PTPRM: variants seen among roughly 807,000 people sequenced by gnomAD.
PTPRM encodes the protein protein tyrosine phosphatase receptor type M.
A neutral mutation model predicts 186.7 loss-of-function variants in PTPRM; 47 were observed. The observed-to-expected ratio is 0.25, with a 90% CI of 0.20 to 0.32. The LOEUF (loss-of-function observed/expected upper bound fraction) is 0.32. Among genes scored for constraint, PTPRM ranks in the 10% least tolerant of loss-of-function variants. PTPRM has a pLI of 1.00. For missense variants in PTPRM, 1,494 were observed against 1,865.0 expected, an observed-to-expected ratio of 0.80 and a Z score of 3.66; for synonymous variants, 668 against 674.9, an observed-to-expected ratio of 0.99 and a Z score of 0.16.
intron 7 of PTPRM, among the ~76,000 whole-genome samples, chr18:8,067,472 G>A (rs1267391705): frequency 6.6e-6 from 1 of 152,148 alleles, no homozygotes; most frequent in African/African-American, 2.4e-5. Flanking sequence ...TGCCACTCAC[G>A]ATTTCTTGGA....
At chr18:8,187,988 T>G (rs1601098609) in intron 14 of PTPRM, among the ~76,000 whole-genome samples, 1 of 152,350 alleles carries the variant, frequency 6.6e-6, no homozygotes, top group African/African-American at 2.4e-5. Context: ...CCAGTCATTC[T>G]TAAAAGCATA....
intron 2 of PTPRM, among the ~76,000 whole-genome samples, chr18:7,845,361 G>C (rs2046540440): frequency 6.6e-6 from 1 of 152,184 alleles, no homozygotes; most frequent in Non-Finnish European, 1.5e-5. Flanking sequence ...ATGAAAACCT[G>C]ACAAATGTCC....
At chr18:7,724,584 C>T (rs1338840198) in intron 1 of PTPRM, among the ~76,000 whole-genome samples, 1 of 152,134 alleles carries the variant, frequency 6.6e-6, no homozygotes, top group African/African-American at 2.4e-5. Context: ...AAGATTTTTT[C>T]AGAATCTAGC....
intron 1 of PTPRM, among the ~76,000 whole-genome samples, chr18:7,680,883 C>T (rs2039465368): frequency 6.6e-6 from 1 of 152,074 alleles, no homozygotes; most frequent in African/African-American, 2.4e-5. Context: ...CTTGTTCATG[C>T]CTGTCTTAGC....
chr18:7,772,261 TTTC>T (rs985915512), intron 1 of PTPRM, among the ~76,000 whole-genome samples: 2 of 151,352 alleles, frequency 1.3e-5, no homozygotes, highest in African/African-American at 2.4e-5. Context: ...TTTCTTTTCT[TTTC>T]TTTTCTTTTC....
At chr18:8,380,869 C>T (rs1598517702) in intron 29 of PTPRM, among the ~76,000 whole-genome samples, 2 of 152,180 alleles carry the variant, frequency 1.3e-5, no homozygotes, top group African/African-American at 4.8e-5. Context: ...TGCTTCCTGG[C>T]ACAGCTCACC....
At chr18:8,096,673 A>T (rs1422055244) in intron 11 of PTPRM, among the ~76,000 whole-genome samples, 5 of 152,188 alleles carry the variant, frequency 3.3e-5, no homozygotes, top group African/African-American at 1.2e-4. Flanking sequence ...CTGCTCTGCC[A>T]TTTGCTCTCG....
intron 9 of PTPRM, among the ~76,000 whole-genome samples, chr18:8,083,974 A>T (rs2090293103): frequency 1.3e-5 from 2 of 152,168 alleles, no homozygotes; most frequent in South Asian, 4.1e-4. Context: ...GTATGCATTT[A>T]TGTTTCATTA....
chr18:7,672,368 G>T (rs955002181), intron 1 of PTPRM, among the ~76,000 whole-genome samples: 3 of 151,932 alleles, frequency 2.0e-5, no homozygotes, highest in African/African-American at 7.3e-5. Context: ...TTTACTAAAA[G>T]AAAAATATTT....
At chr18:8,273,793 G>A (rs1017653060) in intron 19 of PTPRM, among the ~76,000 whole-genome samples, 4 of 152,216 alleles carry the variant, frequency 2.6e-5, no homozygotes, top group Non-Finnish European at 5.9e-5. Context: ...AGTCTGATGA[G>A]CAGAAAGGAG....
chr18:7,664,668 G>GC, intron 1 of PTPRM, among the ~76,000 whole-genome samples: 1 of 152,278 alleles, frequency 6.6e-6, no homozygotes, highest in East Asian at 1.9e-4. Flanking sequence ...GGAGATCCAG[G>GC]CAGAGCTGCA....
chr18:8,184,014 G>C (rs953944260), intron 14 of PTPRM, among the ~76,000 whole-genome samples: 2 of 152,164 alleles, frequency 1.3e-5, no homozygotes, highest in Admixed American at 1.3e-4. Context: ...CAAGATACTG[G>C]AATGACCAGG....
At chr18:7,947,279 C>G (rs934167462) in intron 5 of PTPRM, among the ~76,000 whole-genome samples, 1 of 152,134 alleles carries the variant, frequency 6.6e-6, no homozygotes, top group Non-Finnish European at 1.5e-5. Flanking sequence ...GCAGCCCTGA[C>G]AGTGGGTGGT....
chr18:8,030,230 C>G (rs1807672988), intron 7 of PTPRM, among the ~76,000 whole-genome samples: 1 of 152,206 alleles, frequency 6.6e-6, no homozygotes, highest in East Asian at 1.9e-4. Context: ...AAAGAAGACA[C>G]TTTTTGAGCA....
intron 14 of PTPRM, among the ~76,000 whole-genome samples, chr18:8,181,926 TG>T (rs2093581135): frequency 6.6e-6 from 1 of 152,206 alleles, no homozygotes; most frequent in Admixed American, 6.5e-5. Context: ...TTAAATATAA[TG>T]GTTCAATTTT....
chr18:7,657,694 A>G (rs2038883916), intron 1 of PTPRM, among the ~76,000 whole-genome samples: 1 of 152,234 alleles, frequency 6.6e-6, no homozygotes, highest in African/African-American at 2.4e-5. Flanking sequence ...GCATCATTCA[A>G]GATGGACCGA....
intron 2 of PTPRM, among the ~76,000 whole-genome samples, chr18:7,778,273 G>A (rs866183580): frequency 6.6e-5 from 10 of 152,066 alleles, no homozygotes; most frequent in East Asian, 1.9e-4. Flanking sequence ...ACTAAATGCC[G>A]TTTAAATTTT....
chr18:8,230,220 G>T (rs1482766583), intron 14 of PTPRM, among the ~76,000 whole-genome samples: 1 of 152,106 alleles, frequency 6.6e-6, no homozygotes, highest in African/African-American at 2.4e-5. Context: ...AAAAAAAACT[G>T]TTTTTTTGTG....
At chr18:7,809,887 A>G (rs2044420927) in intron 2 of PTPRM, among the ~76,000 whole-genome samples, 1 of 152,230 alleles carries the variant, frequency 6.6e-6, no homozygotes, top group African/African-American at 2.4e-5. Context: ...CAAGTGCCTT[A>G]AGGGATAGGA....
Sources: allele counts gnomAD v4.1 joint callset (sites outside exome capture counted in the v4.1 genomes callset), GRCh38; gene constraint gnomAD v4.1.1; transcripts MANE v1.5; gene names NCBI Gene and HGNC (gene_info 2026-07-23, HGNC 2026-07-21).